Variants in ATRNL1 observed in about 807,000 individuals in gnomAD.
ATRNL1 encodes the protein attractin-like protein 1.
In ATRNL1, 95 loss-of-function variants were observed where a neutral mutation model predicts 182.7. The ratio of observed to expected loss-of-function variants is 0.52; its 90% CI spans 0.44 to 0.62. The LOEUF (loss-of-function observed/expected upper bound fraction) is 0.62. Among genes scored for constraint, ATRNL1 ranks in the 20% least tolerant of loss-of-function variants. The pLI is 0.00. For missense variants in ATRNL1, 1,471 were observed against 1,679.5 expected, an observed-to-expected ratio of 0.88 and a Z score of 2.17; for synonymous variants, 576 against 568.3, an observed-to-expected ratio of 1.01 and a Z score of -0.19.
chr10:115,535,162 T>A (rs1160359883), intron 25 of ATRNL1, among the ~76,000 whole-genome samples: 1 of 152,010 alleles, frequency 6.6e-6, no homozygotes, highest in Admixed American at 6.5e-5. Flanking sequence ...CCTGCCTTGC[T>A]AGATTGGGGA....
At chr10:115,714,416 A>G (rs1204864880) in intron 26 of ATRNL1, among the ~76,000 whole-genome samples, 4 of 151,978 alleles carry the variant, frequency 2.6e-5, no homozygotes, top group Admixed American at 2.6e-4. Flanking sequence ...ACCCTAGAAC[A>G]GGAGAGGCCA....
intron 26 of ATRNL1, among the ~76,000 whole-genome samples, chr10:115,619,006 T>C (rs1325550271): frequency 6.6e-6 from 1 of 152,214 alleles, no homozygotes; most frequent in Non-Finnish European, 1.5e-5. Context: ...ATTTATAGTG[T>C]CAGTTGAATA....
chr10:115,182,655 A>G (rs2144170289), intron 8 of ATRNL1, among the ~76,000 whole-genome samples: 1 of 151,688 alleles, frequency 6.6e-6, no homozygotes, highest in African/African-American at 2.4e-5. Flanking sequence ...ATAAAGGAAC[A>G]GAGAAAGATT....
rs782614636 is a variant in ATRNL1 at position 115,334,338 on chromosome 10, A to G, written c.3094A>G (p.Lys1032Glu). Residue 1032 changes from lysine to glutamate, a missense_variant, in exon 19 of 29, where the codon AAA becomes GAA. This residue lies in a region of ATRNL1 where 437 missense variants were observed against 506.0 expected (regional missense o/e 0.86). Transcript: ENST00000355044. ...CINNNVCEQC[K>E]NLTTGKQCQD... ...CAATAATAATGTGTGCGAACAGTGT[A>G]AAAATCTCACCACAGGAAAGCAGTG... The G allele has an allele frequency of 6.2e-7, 1 of 1,605,132 alleles. No individual in the cohort carries two copies. Among genetic ancestry groups the G allele is most frequent in the South Asian group, 1.1e-5 (1 of 90,120 alleles).
chr10:115,602,423 A>AT (rs1371245744), intron 26 of ATRNL1, among the ~76,000 whole-genome samples: 14 of 130,058 alleles, frequency 1.1e-4, no homozygotes, highest in African/African-American at 1.9e-4. Context: ...AATGTTTGGG[A>AT]TTTTTTTGTT....
chr10:115,144,228 A>C (rs1845875370), intron 5 of ATRNL1, among the ~76,000 whole-genome samples: 1 of 152,024 alleles, frequency 6.6e-6, no homozygotes, highest in South Asian at 2.1e-4. Flanking sequence ...GCTCACTGCA[A>C]GTTCCGCCTC....
In ATRNL1 at chr10:115,882,536, G is replaced by T. The variant is rs559256785; in HGVS notation, c.4018+34545G>T. Among the ~76,000 whole-genome samples the T allele has an allele frequency of 1.4e-4, 22 of 152,204 alleles. No individual in the cohort carries two copies. In the South Asian group the frequency reaches 3.7e-3, roughly 26 times the overall value. ...GCTATTTTTTCAGCCTGTAAGACTTGCTGTCATCTGGAAAAATTTTCCACT... is the reference window on the plus strand; with the variant it reads ...GCTATTTTTTCAGCCTGTAAGACTTTCTGTCATCTGGAAAAATTTTCCACT... On this transcript the variant is annotated intron_variant, in intron 28 of 28. Coordinates refer to ENST00000355044, the MANE Select transcript of ATRNL1 (RefSeq NM_207303.4).
intron 26 of ATRNL1, among the ~76,000 whole-genome samples, chr10:115,660,954 G>T (rs1219522271): frequency 6.6e-6 from 1 of 151,966 alleles, no homozygotes; most frequent in East Asian, 1.9e-4. Flanking sequence ...GTGGATTAAA[G>T]GTATAGGGAA....
intron 10 of ATRNL1, among the ~76,000 whole-genome samples, chr10:115,251,243 A>C (rs1295250414): frequency 6.6e-6 from 1 of 152,142 alleles, no homozygotes; most frequent in Non-Finnish European, 1.5e-5. Context: ...TTAGGGTGAT[A>C]CTAATTGCTT....
intron 24 of ATRNL1, among the ~76,000 whole-genome samples, chr10:115,477,302 G>A (rs1565084919): frequency 1.3e-5 from 2 of 151,580 alleles, no homozygotes; most frequent in Non-Finnish European, 3.0e-5. Flanking sequence ...ATAAGGTGTT[G>A]CTAACAATAT....
rs34988501 is a variant in ATRNL1, at chr10:115,203,577, C to CTT, written c.1349-12101_1349-12100dup. Among the ~76,000 whole-genome samples, 163 of 122,394 alleles carry CTT rather than the reference C, an allele frequency of 1.3e-3. 2 individuals carry two copies. Among genetic ancestry groups the CTT allele is most frequent in the African/African-American group, 3.8e-3 (129 of 34,174 alleles). 80.3% of individuals were successfully genotyped at this position (122,394 alleles called of 152,430 possible). On this transcript the variant is annotated intron_variant, in intron 8 of 28. Coordinates refer to ENST00000355044, the MANE Select transcript of ATRNL1 (RefSeq NM_207303.4). Reference sequence around the variant, plus strand: ...AAAGTTTAAAACTAGATTGGGCCACCTTTTTTTTTTTTTTTTTTTTGAGAT... The same window carrying CTT: ...AAAGTTTAAAACTAGATTGGGCCACCTTTTTTTTTTTTTTTTTTTTTTGAGAT...
At chr10:115,133,988 T>C (rs572465449) in intron 5 of ATRNL1, among the ~76,000 whole-genome samples, 1,855 of 152,142 alleles carry the variant, frequency 0.012, 29 homozygotes, top group African/African-American at 0.042. Flanking sequence ...AAAGATGTTC[T>C]TGAAACCAAT....
At chr10:115,313,403 G>GT (rs1184934286) in intron 17 of ATRNL1, among the ~76,000 whole-genome samples, 1 of 152,034 alleles carries the variant, frequency 6.6e-6, no homozygotes, top group Non-Finnish European at 1.5e-5. Flanking sequence ...CTCTGTATGA[G>GT]TTCCTTGGTC....
In ATRNL1 at chr10:115,160,093, A is replaced by G. The variant is rs1181085517; in HGVS notation, c.883A>G (p.Asn295Asp). 1 of 1,612,498 alleles carries G rather than the reference A, an allele frequency of 6.2e-7. No homozygotes were observed. Among genetic ancestry groups the G allele is most frequent in the South Asian group, 1.1e-5 (1 of 90,962 alleles). The change falls in exon 6 of 29, where the codon AAC (asparagine) becomes GAC (aspartate). Residue 295 changes from asparagine (N) to aspartate (D), a missense_variant. By Grantham distance (23) the Asn-to-Asp change is conservative (BLOSUM62 1). Coordinates refer to ENST00000355044, the MANE Select transcript of ATRNL1 (RefSeq NM_207303.4). ...TACTGAGTCTTACTGGATTCTGCCAAACGTTAAACCCTTCAGTCCTTCTGT... is the reference window on the plus strand; with the variant it reads ...TACTGAGTCTTACTGGATTCTGCCAGACGTTAAACCCTTCAGTCCTTCTGT... ...PSTESYWILP[N>D]VKPFSPSVGR...
chr10:115,764,328 A>G (rs1593184829), intron 27 of ATRNL1, among the ~76,000 whole-genome samples: 3 of 152,098 alleles, frequency 2.0e-5, no homozygotes, highest in South Asian at 2.1e-4. Flanking sequence ...TCCAAAGTCC[A>G]TTGTTTACAC....
At position 115,752,046 on chromosome 10, in the gene ATRNL1, C is replaced by T. The variant is rs563105223; in HGVS notation, c.3903+24691C>T. ...ATGAAGTTTTACTGATTTAGGAATT[C>T]AAAATATTTCAAATATGCACAAGTT... On this transcript the variant is annotated intron_variant, in intron 27 of 28. Coordinates refer to ENST00000355044, the MANE Select transcript of ATRNL1 (RefSeq NM_207303.4). Among the ~76,000 whole-genome samples the T allele has an allele frequency of 3.9e-5, 6 of 151,950 alleles. No homozygotes were observed. In the East Asian group the frequency reaches 1.2e-3, roughly 29 times the overall value.
intron 1 of ATRNL1, among the ~76,000 whole-genome samples, chr10:115,101,038 AAC>A (rs1843746850): frequency 6.6e-6 from 1 of 152,138 alleles, no homozygotes. Flanking sequence ...ATTATACTGA[AAC>A]ACAACTGATT....
intron 9 of ATRNL1, among the ~76,000 whole-genome samples, chr10:115,222,723 A>G (rs576339810): frequency 9.2e-5 from 14 of 152,322 alleles, no homozygotes; most frequent in African/African-American, 3.4e-4. Flanking sequence ...TAAGCAAAAT[A>G]AGAGCATTTT....
At chr10:115,353,832 GA>G (rs1554942123) in intron 19 of ATRNL1, among the ~76,000 whole-genome samples, 1 of 152,100 alleles carries the variant, frequency 6.6e-6, no homozygotes, top group Non-Finnish European at 1.5e-5. Context: ...GGAACAAAAG[GA>G]AAACAAGCAA....
Sources: gnomAD v4.1 joint callset for allele counts (sites outside exome capture counted in the v4.1 genomes callset) on GRCh38, gnomAD v4.1.1 for gene constraint, gnomAD v4.1.1 regional missense constraint, MANE v1.5 for transcripts, NCBI Gene and HGNC (gene_info 2026-07-23, HGNC 2026-07-21) for gene names.